Variants in STX6 observed in about 807,000 individuals in gnomAD.
STX6 encodes syntaxin 6.
Under a neutral mutation model 38.0 loss-of-function variants are expected in STX6, and 23 were observed. The ratio of observed to expected loss-of-function variants is 0.60; its 90% CI spans 0.43 to 0.86. STX6 has a LOEUF of 0.86. Ranked by LOEUF, STX6 falls within the 40% of genes least tolerant of loss-of-function variation. The probability of loss-of-function intolerance (pLI) is 0.00; values close to 1 mark genes in which losing one functional copy is unlikely to be tolerated. For synonymous variants in STX6, 123 were observed against 107.5 expected, an observed-to-expected ratio of 1.14 and a Z score of -0.89; for missense variants, 274 against 312.9, an observed-to-expected ratio of 0.88 and a Z score of 0.94.
chr1:180,991,152 C>G (rs1310770802), intron 4 of STX6, among the ~76,000 whole-genome samples: 1 of 152,198 alleles, frequency 6.6e-6, no homozygotes, highest in Non-Finnish European at 1.5e-5. Context: ...CTGACACTGA[C>G]CTCTTCTCAG....
At chr1:180,994,818 A>G (rs1368521848) in intron 3 of STX6, among the ~76,000 whole-genome samples, 1 of 152,196 alleles carries the variant, frequency 6.6e-6, no homozygotes, top group Admixed American at 6.5e-5. Flanking sequence ...GCAAGAAGAG[A>G]ATAATTCAAA....
intron 3 of STX6, among the ~76,000 whole-genome samples, chr1:180,996,505 G>C (rs1427887126): frequency 6.6e-6 from 1 of 152,132 alleles, no homozygotes; most frequent in East Asian, 1.9e-4. Flanking sequence ...AATACTTAGT[G>C]AAGGTATATT....
At chr1:181,012,705 A>T (rs1366756663) in intron 1 of STX6, among the ~76,000 whole-genome samples, 1 of 119,686 alleles carries the variant, frequency 8.4e-6, no homozygotes, top group East Asian at 2.3e-4. Flanking sequence ...ATGGAATTTC[A>T]CTCTTGTTGC....
rs61809191 is a variant in STX6, at chr1:181,014,919, C to T, written c.35+7720G>A. 6.7e-3 allele frequency among the ~76,000 whole-genome samples: 1,020 copies of T among 152,330 alleles called. 8 individuals carry two copies. The highest frequency in any genetic ancestry group is 0.01 in the Middle Eastern group (3 of 294). On this transcript the variant is annotated intron_variant, in intron 1 of 7. Transcript: ENST00000258301. Reference sequence around the variant, plus strand: ...AATTATATACAATTTTTGACCCTAACTTACTGCTGCTTCCACAACTCCACC... The same window carrying T: ...AATTATATACAATTTTTGACCCTAATTTACTGCTGCTTCCACAACTCCACC...
intron 3 of STX6, among the ~76,000 whole-genome samples, chr1:180,997,056 A>T (rs1015539949): frequency 6.6e-6 from 1 of 152,246 alleles, no homozygotes; most frequent in African/African-American, 2.4e-5. Flanking sequence ...AGAGGGAAAC[A>T]GCATGATCTT....
chr1:181,022,512 C>T (rs1177680365), intron 1 of STX6, 127 bp downstream of exon 1: 31 of 924,764 alleles, frequency 3.4e-5, no homozygotes, highest in Non-Finnish European at 2.5e-5. Flanking sequence ...AAGACTAAGC[C>T]GTCTCCACTG....
intron 6 of STX6, 164 bp downstream of exon 6, chr1:180,988,075 G>C (rs1413794347): frequency 7.8e-6 from 4 of 513,062 alleles, no homozygotes; most frequent in Middle Eastern, 5.1e-4. Context: ...AAGTAGAATT[G>C]CTTCTTTTGG....
chr1:181,007,529 G>C (rs1031493202), intron 1 of STX6, among the ~76,000 whole-genome samples: 3 of 152,148 alleles, frequency 2.0e-5, no homozygotes, highest in Non-Finnish European at 2.9e-5. Context: ...ATCTTTTAAA[G>C]AATATAAAAT....
Position 180,988,275 on chromosome 1 carries a change from G to A in STX6, c.560C>T (p.Ser187Phe), listed in dbSNP as rs1305959989. The A allele has an allele frequency of 6.2e-7, 1 of 1,613,986 alleles. No homozygotes were observed. Among genetic ancestry groups the A allele is most frequent in the Non-Finnish European group, 8.5e-7 (1 of 1,179,946 alleles). The change falls in exon 6 of 8, where the codon TCC (serine) becomes TTC (phenylalanine). Residue 187 changes from serine to phenylalanine, a missense_variant. Ser to Phe is a radical substitution (Grantham distance 155, BLOSUM62 -2). Coordinates refer to ENST00000258301, the MANE Select transcript of STX6 (RefSeq NM_005819.6). ...SGSIGVLKNM[S>F]QRIGGELEEQ... is the part of the protein sequence containing the mutation. ...CTCCAGCTCCCCTCCGATGCGCTGG[G>A]ACATGTTCTTCAGCACCCCGATGCT...
rs1656784833 is a variant in STX6 at position 181,022,806 on chromosome 1, G to C, written c.-133C>G. ...CTGGGTGAAGCCGAGCAGCGGGCAC[G>C]CGCACAGGCCAGGTGCACAGGACGG... On this transcript the variant is annotated 5_prime_UTR_variant, in exon 1 of 8. Coordinates refer to ENST00000258301, the MANE Select transcript of STX6 (RefSeq NM_005819.6). The C allele has an allele frequency of 1.2e-6, 1 of 854,124 alleles. No individual in the cohort carries two copies. Among genetic ancestry groups the C allele is most frequent in the Middle Eastern group, 3.2e-4 (1 of 3,090 alleles). 52.9% of individuals were successfully genotyped at this position (854,124 alleles called of 1,614,324 possible).
intron 1 of STX6, among the ~76,000 whole-genome samples, chr1:181,008,725 T>C (rs1041504099): frequency 1.1e-5 from 1 of 95,048 alleles, no homozygotes. Flanking sequence ...CTTTCCAAAA[T>C]TGTTTTTTTT....
intron 3 of STX6, 45 bp downstream of exon 3, chr1:181,002,561 T>C (rs779167547): frequency 3.6e-6 from 5 of 1,384,402 alleles, no homozygotes; most frequent in Non-Finnish European, 5.1e-6. Context: ...CTAAGAAGTC[T>C]GGCTATTTCT....
rs1571345604 is a variant in STX6 at position 181,005,212 on chromosome 1, C to T, written c.205+82G>A. 2.6e-6 allele frequency: 4 copies of T among 1,536,504 alleles called. No homozygotes were observed. The East Asian group carries it at 9.1e-5, about 35-fold the overall frequency. On this transcript the variant is annotated intron_variant, in intron 2 of 7. Transcript: ENST00000258301. ...ATTAATCGATTATAAAATGTTTCAT[C>T]TACATACTGGAAACAACTGGAGAAA...
intron 6 of STX6, chr1:180,987,889 CA>C: frequency 6.2e-6 from 1 of 161,912 alleles, no homozygotes; most frequent in South Asian, 1.8e-4. Context: ...ATGATAAAGT[CA>C]GCTCATGTCC....
At chr1:180,997,792 GAA>G (rs1218129199) in intron 3 of STX6, among the ~76,000 whole-genome samples, 1 of 151,958 alleles carries the variant, frequency 6.6e-6, no homozygotes, top group Non-Finnish European at 1.5e-5. Context: ...ATTTTTCATA[GAA>G]AAAAAGTTAC....
chr1:180,990,181 A>C (rs929505028), intron 4 of STX6, 72 bp from the exon 5 acceptor site: 10 of 1,574,500 alleles, frequency 6.4e-6, no homozygotes, highest in Non-Finnish European at 8.7e-6. Flanking sequence ...TGATGCATCA[A>C]GAGTGATATA....
chr1:180,974,617 C>T lies in STX6; in HGVS notation c.*1953G>A, dbSNP rs1655200452. The T allele has an allele frequency of 6.6e-6, 1 of 152,588 alleles. No homozygotes were observed. Among genetic ancestry groups the T allele is most frequent in the African/African-American group, 2.4e-5 (1 of 41,436 alleles). The allele number at this position is 152,588 out of a possible 1,614,324, so 9.5% of individuals were successfully genotyped here. A position where few individuals can be genotyped will look rare whatever the true frequency, so the allele number is the denominator to read the frequency against. Reference sequence around the variant, plus strand: ...AATTCCTTAAGATGCTGGTTTGCTTCTTATAATGTGTTGTGTGGATTACAG... The same window carrying T: ...AATTCCTTAAGATGCTGGTTTGCTTTTTATAATGTGTTGTGTGGATTACAG... On this transcript the variant is annotated 3_prime_UTR_variant, in exon 8 of 8. Coordinates refer to ENST00000258301, the MANE Select transcript of STX6 (RefSeq NM_005819.6).
rs115291721 is a variant in STX6 at position 180,995,957 on chromosome 1, T to C, written c.301-2532A>G. On this transcript the variant is annotated intron_variant, in intron 3 of 7. Coordinates refer to ENST00000258301, the MANE Select transcript of STX6 (RefSeq NM_005819.6). ...TCTGGGTGCTGTTGACATGGCTGTG[T>C]TCAGTTTATAAATTTATTAAGCTAT... Among the ~76,000 whole-genome samples the C allele has an allele frequency of 2.1e-3, 319 of 152,302 alleles. 2 individuals are homozygous for C. Among genetic ancestry groups the C allele is most frequent in the African/African-American group, 7.6e-3 (314 of 41,548 alleles).
intron 7 of STX6, 114 bp downstream of exon 7, chr1:180,984,563 G>C: frequency 4.3e-6 from 2 of 461,556 alleles, no homozygotes; most frequent in Non-Finnish European, 8.0e-6. Flanking sequence ...AAAAGAGAAA[G>C]GGATCTGTAA....
Sources: allele counts gnomAD v4.1 joint callset (sites outside exome capture counted in the v4.1 genomes callset), GRCh38; gene constraint gnomAD v4.1.1; transcripts MANE v1.5; gene names NCBI Gene and HGNC (gene_info 2026-07-23, HGNC 2026-07-21).